Variants in DCC observed in about 807,000 individuals in gnomAD.
DCC encodes netrin receptor DCC.
DCC carries 58 observed loss-of-function variants against 172.5 expected under a neutral mutation model. The ratio of observed to expected loss-of-function variants is 0.34; its 90% confidence interval spans 0.27 to 0.42. DCC has a LOEUF of 0.42. Ranked by LOEUF, DCC falls within the 10% of genes least tolerant of loss-of-function variation. The pLI is 1.00. For missense variants in DCC, 1,740 were observed against 1,791.0 expected, an observed-to-expected ratio of 0.97 and a Z score of 0.51; for synonymous variants, 709 against 644.5, an observed-to-expected ratio of 1.10 and a Z score of -1.52.
intron 8 of DCC, among the ~76,000 whole-genome samples, chr18:53,177,482 A>T (rs910118630): frequency 6.6e-6 from 1 of 152,190 alleles, no homozygotes; most frequent in Admixed American, 6.6e-5. Context: ...GCCCTAAAAT[A>T]TATAATGGCT....
intron 23 of DCC, among the ~76,000 whole-genome samples, chr18:53,453,715 T>C (rs978176710): frequency 1.3e-5 from 2 of 152,222 alleles, no homozygotes; most frequent in Non-Finnish European, 2.9e-5. Flanking sequence ...CTACTGCTTC[T>C]ATAGTAAACT....
In DCC at chr18:53,446,124, A is replaced by AAAAAAAAAAAAAAAAAC. The variant is rs369426007; in HGVS notation, c.3230-4376_3230-4375insAAAAAAAAAAAAAAAAC. On this transcript the variant is annotated intron_variant, in intron 22 of 28. Transcript: ENST00000442544. ...AAAAAAAAAAAAAAAACAAAAAAAAACACTTAAAAATTTTCCAGGGATGGT... is the reference window on the plus strand; with the variant it reads ...AAAAAAAAAAAAAAAACAAAAAAAAAAAAAAAAAAAAAAAAACCACTTAAAAATTTTCCAGGGATGGT... 7.9e-4 allele frequency among the ~76,000 whole-genome samples: 93 copies of AAAAAAAAAAAAAAAAAC among 117,268 alleles called. 14 individuals are homozygous for AAAAAAAAAAAAAAAAAC. Among genetic ancestry groups the AAAAAAAAAAAAAAAAAC allele is most frequent in the Non-Finnish European group, 1.2e-3 (64 of 54,382 alleles). The allele number at this position is 117,268 out of a possible 152,430, so 76.9% of individuals were successfully genotyped here. A position where few individuals can be genotyped will look rare whatever the true frequency, so the allele number is the denominator to read the frequency against.
At chr18:52,422,407 G>A (rs944645232) in intron 1 of DCC, among the ~76,000 whole-genome samples, 1 of 152,134 alleles carries the variant, frequency 6.6e-6, no homozygotes, top group Non-Finnish European at 1.5e-5. Context: ...TGTCCACTCT[G>A]TTTTATTGGC....
intron 1 of DCC, among the ~76,000 whole-genome samples, chr18:52,683,918 C>T (rs1042986605): frequency 6.6e-6 from 1 of 152,090 alleles, no homozygotes; most frequent in Non-Finnish European, 1.5e-5. Context: ...GTATGCAAAT[C>T]ATATGGATGC....
chr18:53,329,221 G>C (rs879367700), intron 14 of DCC, among the ~76,000 whole-genome samples: 14 of 152,072 alleles, frequency 9.2e-5, no homozygotes, highest in Non-Finnish European at 1.8e-4. Context: ...AAACACATTT[G>C]TTTTAAGATC....
intron 1 of DCC, among the ~76,000 whole-genome samples, chr18:52,712,770 A>C (rs572010149): frequency 6.6e-6 from 1 of 152,214 alleles, no homozygotes; most frequent in South Asian, 2.1e-4. Flanking sequence ...TCGATATCCT[A>C]ATTGGTCTGC....
At chr18:53,490,619 C>T (rs1406702335) in intron 26 of DCC, among the ~76,000 whole-genome samples, 3 of 152,180 alleles carry the variant, frequency 2.0e-5, no homozygotes, top group Non-Finnish European at 4.4e-5. Flanking sequence ...AGCAGGGGCA[C>T]GTCATGGACA....
intron 5 of DCC, among the ~76,000 whole-genome samples, chr18:52,977,474 G>A (rs1301753576): frequency 1.3e-5 from 2 of 152,150 alleles, no homozygotes; most frequent in Non-Finnish European, 2.9e-5. Context: ...TGATCTCAGT[G>A]TGTGAATTCT....
At chr18:53,062,024 A>C (rs924681586) in intron 5 of DCC, among the ~76,000 whole-genome samples, 1 of 152,074 alleles carries the variant, frequency 6.6e-6, no homozygotes, top group Non-Finnish European at 1.5e-5. Flanking sequence ...CTTTTGGTTT[A>C]TTGTCAGTGA....
At chr18:53,304,582 C>G (rs1390430987) in intron 12 of DCC, among the ~76,000 whole-genome samples, 1 of 152,070 alleles carries the variant, frequency 6.6e-6, no homozygotes, top group East Asian at 1.9e-4. Context: ...TGAATATCCC[C>G]AGAGGATAAA....
chr18:52,664,672 C>G (rs977374077), intron 1 of DCC, among the ~76,000 whole-genome samples: 17 of 151,780 alleles, frequency 1.1e-4, no homozygotes, highest in African/African-American at 3.6e-4. Context: ...GGGGTTTCAC[C>G]GTGTTAGCCA....
At chr18:52,905,735 A>G (rs2039872545) in intron 2 of DCC, among the ~76,000 whole-genome samples, 2 of 152,178 alleles carry the variant, frequency 1.3e-5, no homozygotes, top group Admixed American at 1.3e-4. Context: ...CACTTCTCTG[A>G]ACCTCAATTT....
chr18:52,943,997 A>G (rs2040502884), intron 5 of DCC, among the ~76,000 whole-genome samples: 1 of 152,186 alleles, frequency 6.6e-6, no homozygotes, highest in South Asian at 2.1e-4. Flanking sequence ...ACCTCAAGTG[A>G]TCTGCCTTCC....
intron 8 of DCC, among the ~76,000 whole-genome samples, chr18:53,163,077 G>T (rs1385516749): frequency 5.9e-5 from 9 of 152,102 alleles, no homozygotes; most frequent in Non-Finnish European, 1.0e-4. Context: ...TACTGTTATG[G>T]CCTTGGCCAC....
At chr18:52,954,101 A>G (rs1446018862) in intron 5 of DCC, among the ~76,000 whole-genome samples, 2 of 152,224 alleles carry the variant, frequency 1.3e-5, no homozygotes, top group African/African-American at 4.8e-5. Flanking sequence ...CCTGTGTTCA[A>G]CTTCCCTTTC....
At chr18:52,879,444 G>A (rs1290176967) in intron 2 of DCC, among the ~76,000 whole-genome samples, 1 of 21,856 alleles carries the variant, frequency 4.6e-5, no homozygotes, top group African/African-American at 1.9e-4. Flanking sequence ...TTTTTTTTGA[G>A]ATGGAGTTTC....
intron 12 of DCC, 149 bp downstream of exon 12, chr18:53,215,746 C>T (rs1373849029): frequency 1.4e-6 from 1 of 731,832 alleles, no homozygotes; most frequent in Non-Finnish European, 2.5e-6. Flanking sequence ...GACATTGATC[C>T]CACATCCTCT....
intron 2 of DCC, among the ~76,000 whole-genome samples, chr18:52,856,348 G>A (rs1020130431): frequency 1.3e-5 from 2 of 151,776 alleles, no homozygotes; most frequent in African/African-American, 4.8e-5. Context: ...GAGCAAGGCC[G>A]GGCGCGGTGG....
chr18:53,326,175 A>C (rs945432342), intron 14 of DCC, among the ~76,000 whole-genome samples: 5 of 152,210 alleles, frequency 3.3e-5, no homozygotes, highest in African/African-American at 7.2e-5. Flanking sequence ...CTTTCCTGTG[A>C]TATACACATA....
Sources: gnomAD v4.1 joint callset for allele counts (sites outside exome capture counted in the v4.1 genomes callset) on GRCh38, gnomAD v4.1.1 for gene constraint, MANE v1.5 for transcripts, NCBI Gene and HGNC (gene_info 2026-07-23, HGNC 2026-07-21) for gene names.